Variants in WWP2 observed in about 807,000 individuals in gnomAD.
WWP2 encodes NEDD4-like E3 ubiquitin-protein ligase WWP2.
WWP2 carries 57 observed loss-of-function variants against 121.0 expected under a neutral mutation model. The ratio of observed to expected loss-of-function variants is 0.47; its 90% CI spans 0.38 to 0.59. WWP2 has a LOEUF of 0.59. Among genes scored for constraint, WWP2 ranks in the 20% least tolerant of loss-of-function variants. The pLI, the probability that WWP2 is intolerant of heterozygous loss-of-function variation, is 0.00. For missense variants in WWP2, 962 were observed against 1,158.9 expected, an observed-to-expected ratio of 0.83 and a Z score of 2.47; for synonymous variants, 449 against 441.3, an observed-to-expected ratio of 1.02 and a Z score of -0.22.
chr16:69,909,324 G>C, intron 9 of WWP2: 1 of 987,660 alleles, frequency 1.0e-6, no homozygotes, highest in Non-Finnish European at 1.2e-6. Context: ...AAAAGGGGAT[G>C]TATTCTGCTC....
At chr16:69,934,724 T>A (rs970412873) in intron 17 of WWP2, among the ~76,000 whole-genome samples, 1 of 150,100 alleles carries the variant, frequency 6.7e-6, no homozygotes, top group Non-Finnish European at 1.5e-5. Flanking sequence ...CTGGGCCCCC[T>A]CTTGACAAGT....
intron 19 of WWP2, 31 bp downstream of exon 19, chr16:69,936,483 A>G (rs760102604): frequency 2.9e-5 from 46 of 1,612,534 alleles, no homozygotes; most frequent in Middle Eastern, 1.7e-4. Context: ...GCTCCGCTCC[A>G]GGGGTGGCGT....
chr16:69,890,368 T>C (rs2151941288), intron 8 of WWP2, among the ~76,000 whole-genome samples: 1 of 152,310 alleles, frequency 6.6e-6, no homozygotes, highest in Non-Finnish European at 1.5e-5. Context: ...GAGGCAGCTC[T>C]GGGATGTTTT....
chr16:69,870,738 G>A (rs2057620010), intron 6 of WWP2, among the ~76,000 whole-genome samples: 1 of 152,178 alleles, frequency 6.6e-6, no homozygotes, highest in South Asian at 2.1e-4. Context: ...TTGCAAAGTA[G>A]TAGATGCTTA....
rs568138895 is a variant in WWP2 at position 69,788,767 on chromosome 16, G to A, written c.70+1687G>A. ...ATAGAGTGTAAGATCCACAGTAAGA[G>A]ATTTTTGTCGCTTTGGTCACTGTTA... is the stretch of plus-strand genomic sequence containing the variant. On this transcript the variant is annotated intron_variant, in intron 2 of 23. Coordinates refer to ENST00000359154, the MANE Select transcript of WWP2 (RefSeq NM_001270454.2). Among the ~76,000 whole-genome samples, 8 of 152,242 alleles carry A rather than the reference G, an allele frequency of 5.3e-5. 1 individual carries two copies. The highest frequency in any genetic ancestry group is 1.7e-4 in the African/African-American group (7 of 41,540).
intron 6 of WWP2, among the ~76,000 whole-genome samples, chr16:69,854,078 C>T (rs1034717512): frequency 6.6e-6 from 1 of 152,236 alleles, no homozygotes; most frequent in Non-Finnish European, 1.5e-5. Flanking sequence ...GGGCACAATT[C>T]AGGGCACGTG....
At chr16:69,885,278 A>G (rs533380051) in intron 7 of WWP2, among the ~76,000 whole-genome samples, 4 of 152,208 alleles carry the variant, frequency 2.6e-5, no homozygotes, top group Non-Finnish European at 1.5e-5. Flanking sequence ...CTGTGCATAA[A>G]GTGAATTGCC....
At chr16:69,920,141 C>T (rs2058538203) in intron 10 of WWP2, among the ~76,000 whole-genome samples, 1 of 152,156 alleles carries the variant, frequency 6.6e-6, no homozygotes, top group African/African-American at 2.4e-5. Flanking sequence ...ACTGTAGCAT[C>T]TCCCTTGGTT....
At chr16:69,900,115 T>C (rs1173400482) in intron 8 of WWP2, among the ~76,000 whole-genome samples, 1 of 152,224 alleles carries the variant, frequency 6.6e-6, no homozygotes, top group Non-Finnish European at 1.5e-5. Flanking sequence ...TATAGCTAAA[T>C]TTTTGACACC....
At chr16:69,900,361 C>T (rs2058183669) in intron 8 of WWP2, among the ~76,000 whole-genome samples, 2 of 152,126 alleles carry the variant, frequency 1.3e-5, no homozygotes, top group South Asian at 4.1e-4. Flanking sequence ...GGTGCAGTGG[C>T]TCACGCCTGT....
At chr16:69,817,685 T>TA (rs2056521227) in intron 4 of WWP2, among the ~76,000 whole-genome samples, 1 of 130,576 alleles carries the variant, frequency 7.7e-6, no homozygotes, top group Non-Finnish European at 1.7e-5. Context: ...TTTTTTTTTT[T>TA]AAAGAGATGG....
chr16:69,775,418 C>A (rs537677668), intron 1 of WWP2, among the ~76,000 whole-genome samples: 1 of 152,170 alleles, frequency 6.6e-6, no homozygotes, highest in South Asian at 2.1e-4. Flanking sequence ...TATCTTAAAC[C>A]CCATCAGCCA....
In WWP2 at chr16:69,929,536, A is replaced by G. The variant is rs201531336; in HGVS notation, c.1316+7A>G. 6.4e-4 allele frequency: 1,037 copies of G among 1,613,846 alleles called. 1 individual carries two copies. The highest frequency in any genetic ancestry group is 7.6e-4 in the Non-Finnish European group (893 of 1,179,804). On this transcript the variant is annotated splice_region_variant and intron_variant, in intron 12 of 23. Transcript: ENST00000359154. ...AGGATCCCCGGACCCAGGGGTAAGG[A>G]CTTGGGCTGAGAGGGGGGCCGGGCT...
chr16:69,865,706 G>A (rs1429485732), intron 6 of WWP2, among the ~76,000 whole-genome samples: 1 of 152,164 alleles, frequency 6.6e-6, no homozygotes, highest in African/African-American at 2.4e-5. Flanking sequence ...AAACTAACAC[G>A]TTTGTTACAT....
chr16:69,854,073 C>T (rs1389629247), intron 6 of WWP2, among the ~76,000 whole-genome samples: 1 of 152,190 alleles, frequency 6.6e-6, no homozygotes, highest in Non-Finnish European at 1.5e-5. Context: ...AATAAGGGCA[C>T]AATTCAGGGC....
At chr16:69,773,621 C>T (rs2055464986) in intron 1 of WWP2, among the ~76,000 whole-genome samples, 1 of 152,068 alleles carries the variant, frequency 6.6e-6, no homozygotes, top group Admixed American at 6.6e-5. Flanking sequence ...GCTGGGACTA[C>T]AGGCATGCAC....
At chr16:69,785,599 AC>A (rs1433047461) in intron 1 of WWP2, among the ~76,000 whole-genome samples, 2 of 151,882 alleles carry the variant, frequency 1.3e-5, no homozygotes, top group Non-Finnish European at 2.9e-5. Context: ...AATGACAGGG[AC>A]ACCTCATGGC....
rs151271484 is a variant in WWP2 at position 69,932,654 on chromosome 16, G to A, written c.1682+764G>A. Among the ~76,000 whole-genome samples, 882 of 152,330 alleles carry A rather than the reference G, an allele frequency of 5.8e-3. 13 individuals are homozygous for A. Among genetic ancestry groups the A allele is most frequent in the African/African-American group, 0.019 (809 of 41,578 alleles). ...AGGGCAGGTGAAGTCAGGTGTCCCCGTGTGGATAAGCTGTGTCACGATCCA... is the reference window on the plus strand; with the variant it reads ...AGGGCAGGTGAAGTCAGGTGTCCCCATGTGGATAAGCTGTGTCACGATCCA... On this transcript the variant is annotated intron_variant, in intron 16 of 23. Transcript: ENST00000359154.
rs1026154987 is a variant in WWP2, at chr16:69,871,692, G to T, written c.576-112G>T. On this transcript the variant is annotated intron_variant, in intron 6 of 23. Coordinates refer to ENST00000359154, the MANE Select transcript of WWP2 (RefSeq NM_001270454.2). ...TCCAAAACTAGAGGGGCTATTAAAG[G>T]TCTTGTTTCCAATAAATGGCAGGAG... 12 of 1,490,964 alleles carry T rather than the reference G, an allele frequency of 8.0e-6. No homozygotes were observed. The Admixed American group carries it at 1.3e-4, about 17-fold the overall frequency. The allele number at this position is 1,490,964 out of a possible 1,614,324, so 92.4% of individuals were successfully genotyped here.
Sources: allele counts gnomAD v4.1 joint callset (sites outside exome capture counted in the v4.1 genomes callset), GRCh38; gene constraint gnomAD v4.1.1; transcripts MANE v1.5; gene names NCBI Gene and HGNC (gene_info 2026-07-23, HGNC 2026-07-21).